The following FSTL5 variants were observed in gnomAD, a reference collection of about 807,000 sequenced individuals.
The protein encoded by FSTL5 is follistatin-related protein 5.
Under a neutral mutation model 89.1 loss-of-function variants are expected in FSTL5, and 62 were observed. The ratio of observed to expected loss-of-function variants is 0.70; its 90% CI spans 0.57 to 0.86. The LOEUF is 0.86. FSTL5 is among the 40% of genes least tolerant of loss of function. FSTL5 has a pLI of 0.00. For synonymous variants in FSTL5, 383 were observed against 346.2 expected (o/e 1.11, Z -1.18); for missense variants, 1,057 against 1,001.6 (o/e 1.06, Z -0.75).
At chr4:161,817,877 T>C (rs1730375035) in intron 4 of FSTL5, among the ~76,000 whole-genome samples, 1 of 152,178 alleles carries the variant, frequency 6.6e-6, no homozygotes, top group African/African-American at 2.4e-5. Context: ...GGGAAGAGCG[T>C]GGTCCCTTTA....
At chr4:161,783,145 A>G (rs112280952) in intron 4 of FSTL5, among the ~76,000 whole-genome samples, 156 of 152,294 alleles carry the variant, frequency 1.0e-3, no homozygotes, top group African/African-American at 3.6e-3. Context: ...TAAATAAAAA[A>G]CGCAAATTTA....
intron 11 of FSTL5, among the ~76,000 whole-genome samples, chr4:161,506,528 T>C (rs766624953): frequency 6.6e-6 from 1 of 152,188 alleles, no homozygotes; most frequent in African/African-American, 2.4e-5. Context: ...ACCCATCTCC[T>C]GAGCAGTATA....
chr4:161,833,169 G>C (rs1367923671), intron 4 of FSTL5, among the ~76,000 whole-genome samples: 2 of 151,814 alleles, frequency 1.3e-5, no homozygotes, highest in East Asian at 3.9e-4. Context: ...AGGTTGTTCA[G>C]TATCCATGTA....
chr4:161,656,503 A>T lies in FSTL5; in HGVS notation c.728-9T>A. On this transcript the variant is annotated splice_polypyrimidine_tract_variant and intron_variant, in intron 6 of 15. Coordinates refer to ENST00000306100, the MANE Select transcript of FSTL5 (RefSeq NM_020116.5). ...ACTCAACTGGATCACTTCTGTAAAG[A>T]TGAAGTGTCAGTAATGTTGATGAGC... The T allele has an allele frequency of 6.6e-7, 1 of 1,519,284 alleles. No individual in the cohort carries two copies. Among genetic ancestry groups the T allele is most frequent in the South Asian group, 1.3e-5 (1 of 74,194 alleles). 94.1% of individuals were successfully genotyped at this position (1,519,284 alleles called of 1,614,324 possible).
intron 4 of FSTL5, among the ~76,000 whole-genome samples, chr4:161,898,196 C>T (rs12506756): frequency 0.84 from 124,724 of 149,190 alleles, 52,683 homozygotes; most frequent in Non-Finnish European, 0.9. Context: ...TTTTAAAATA[C>T]TAATTTATCA....
chr4:162,147,939 A>C (rs1282045608), intron 1 of FSTL5, among the ~76,000 whole-genome samples: 1 of 152,144 alleles, frequency 6.6e-6, no homozygotes, highest in Non-Finnish European at 1.5e-5. Flanking sequence ...CAGGAGACAG[A>C]GGTTGCAGTG....
chr4:161,484,050 T>C (rs1186248582), intron 12 of FSTL5, among the ~76,000 whole-genome samples: 1 of 152,184 alleles, frequency 6.6e-6, no homozygotes, highest in African/African-American at 2.4e-5. Flanking sequence ...ATATCACTAC[T>C]GATGGTATAA....
intron 4 of FSTL5, among the ~76,000 whole-genome samples, chr4:161,852,449 A>C (rs1731583701): frequency 6.6e-6 from 1 of 152,166 alleles, no homozygotes; most frequent in South Asian, 2.1e-4. Flanking sequence ...ATTATTAAAA[A>C]GTATAGAAAC....
intron 13 of FSTL5, among the ~76,000 whole-genome samples, chr4:161,470,866 C>G (rs1374273202): frequency 2.0e-5 from 3 of 151,742 alleles, no homozygotes; most frequent in Non-Finnish European, 4.4e-5. Flanking sequence ...GAACTGTTTC[C>G]ATAATTCTAT....
At chr4:161,712,387 A>C (rs1738815419) in intron 6 of FSTL5, among the ~76,000 whole-genome samples, 1 of 152,144 alleles carries the variant, frequency 6.6e-6, no homozygotes, top group Non-Finnish European at 1.5e-5. Flanking sequence ...TGTGAAATTC[A>C]CCTAGGTCAA....
Position 161,385,614 on chromosome 4 carries a change from T to C in FSTL5, c.*133A>G, listed in dbSNP as rs1578932900. On this transcript the variant is annotated 3_prime_UTR_variant, in exon 16 of 16. Coordinates refer to ENST00000306100, the MANE Select transcript of FSTL5 (RefSeq NM_020116.5). ...TAGTCACTTAGTCAAAAACAATTTATTTTATTTGGACCAACCAAGTAAATT... is the reference window on the plus strand; with the variant it reads ...TAGTCACTTAGTCAAAAACAATTTACTTTATTTGGACCAACCAAGTAAATT... The C allele has an allele frequency of 1.6e-6, 1 of 641,332 alleles. No homozygotes were observed. The highest frequency in any genetic ancestry group is 2.7e-6 in the Non-Finnish European group (1 of 375,156). The allele number at this position is 641,332 out of a possible 1,614,324, so 39.7% of individuals were successfully genotyped here. A position where few individuals can be genotyped will look rare whatever the true frequency, so the allele number is the denominator to read the frequency against.
At chr4:161,945,217 T>C (rs1734702106) in intron 3 of FSTL5, among the ~76,000 whole-genome samples, 1 of 152,184 alleles carries the variant, frequency 6.6e-6, no homozygotes, top group Non-Finnish European at 1.5e-5. Flanking sequence ...CTACTTATAC[T>C]AAATTTCAGG....
At position 161,792,429 on chromosome 4, in the gene FSTL5, C is replaced by G. The variant is rs368045103; in HGVS notation, c.410-16355G>C. On this transcript the variant is annotated intron_variant, in intron 4 of 15. Transcript: ENST00000306100. ...CTTCTGGGTGGAAAGAAGCTGGTGT[C>G]TGGTGAAACCCCACCTTCAACCCAG... Among the ~76,000 whole-genome samples the G allele has an allele frequency of 4.2e-3, 643 of 152,206 alleles. 3 individuals are homozygous for G. Among genetic ancestry groups the G allele is most frequent in the African/African-American group, 0.015 (615 of 41,544 alleles).
At chr4:162,039,485 C>T (rs567607991) in intron 2 of FSTL5, among the ~76,000 whole-genome samples, 1 of 151,858 alleles carries the variant, frequency 6.6e-6, no homozygotes, top group African/African-American at 2.4e-5. Flanking sequence ...TGCAGCAATA[C>T]TGGAAAGTTA....
At chr4:161,827,914 C>T (rs572473344) in intron 4 of FSTL5, among the ~76,000 whole-genome samples, 2 of 152,260 alleles carry the variant, frequency 1.3e-5, no homozygotes, top group East Asian at 1.9e-4. Flanking sequence ...CCCTGCCTGC[C>T]GCAGCTTCTG....
intron 7 of FSTL5, among the ~76,000 whole-genome samples, chr4:161,616,058 CTGAG>C (rs1190439618): frequency 6.7e-6 from 1 of 150,032 alleles, no homozygotes; most frequent in Non-Finnish European, 1.5e-5. Flanking sequence ...TCTTTCTTTT[CTGAG>C]TGTTTTTTTT....
At chr4:161,458,790 C>T (rs962570378) in intron 14 of FSTL5, among the ~76,000 whole-genome samples, 13 of 152,158 alleles carry the variant, frequency 8.5e-5, no homozygotes, top group African/African-American at 3.1e-4. Context: ...AATAACACCA[C>T]TATTCTTCCT....
chr4:162,104,194 G>C (rs761804146), intron 2 of FSTL5, among the ~76,000 whole-genome samples: 2 of 152,196 alleles, frequency 1.3e-5, no homozygotes, highest in Non-Finnish European at 2.9e-5. Context: ...TTGGGCTAAA[G>C]GCTTGCCATT....
chr4:161,874,682 G>A (rs1327299600), intron 4 of FSTL5, among the ~76,000 whole-genome samples: 1 of 150,318 alleles, frequency 6.7e-6, no homozygotes, highest in Non-Finnish European at 1.5e-5. Context: ...CGTTTGAGTT[G>A]ATGAATCTTC....
Sources: allele counts gnomAD v4.1 joint callset (sites outside exome capture counted in the v4.1 genomes callset), GRCh38; gene constraint gnomAD v4.1.1; transcripts MANE v1.5; gene names NCBI Gene and HGNC (gene_info 2026-07-23, HGNC 2026-07-21).